The following CDH13 variants were observed in gnomAD, a reference collection of about 807,000 sequenced individuals.
CDH13 encodes the protein cadherin-13.
Under a neutral mutation model 63.8 loss-of-function variants are expected in CDH13, and 24 were observed. That is an observed-to-expected ratio of 0.38 (90% CI 0.27 to 0.53). The LOEUF (loss-of-function observed/expected upper bound fraction) is 0.53, where lower values mean the gene tolerates loss of function less well. Among genes scored for constraint, CDH13 ranks in the 20% least tolerant of loss-of-function variants. CDH13 has a pLI of 0.85. For missense variants in CDH13, 1,049 were observed against 903.1 expected, an observed-to-expected ratio of 1.16 and a Z score of -2.07; for synonymous variants, 503 against 355.3, an observed-to-expected ratio of 1.42 and a Z score of -4.67.
intron 2 of CDH13, among the ~76,000 whole-genome samples, chr16:83,000,812 C>T (rs1270716144): frequency 2.0e-5 from 3 of 152,078 alleles, no homozygotes; most frequent in South Asian, 2.1e-4. Context: ...ATCTCCTGCC[C>T]GCATGATCCG....
intron 8 of CDH13, among the ~76,000 whole-genome samples, chr16:83,631,468 T>C (rs1452802006): frequency 2.0e-5 from 3 of 152,184 alleles, no homozygotes; most frequent in Non-Finnish European, 4.4e-5. Context: ...CTTGTCTTTT[T>C]CTCATGTAAT....
chr16:83,455,532 G>T (rs1253919985), intron 6 of CDH13, among the ~76,000 whole-genome samples: 1 of 152,136 alleles, frequency 6.6e-6, no homozygotes, highest in Admixed American at 6.5e-5. Context: ...TTGCTTTTGT[G>T]TATTCCCACG....
At chr16:82,819,003 A>G (rs1173669785) in intron 1 of CDH13, among the ~76,000 whole-genome samples, 3 of 152,168 alleles carry the variant, frequency 2.0e-5, no homozygotes, top group Non-Finnish European at 4.4e-5. Flanking sequence ...GCTGTCGAAG[A>G]TTGTGTGGAC....
intron 6 of CDH13, among the ~76,000 whole-genome samples, chr16:83,467,628 C>T (rs191036435): frequency 3.3e-5 from 5 of 152,272 alleles, no homozygotes; most frequent in South Asian, 2.1e-4. Flanking sequence ...TCTTTGGGCA[C>T]GAGACACCTG....
At chr16:82,638,489 A>T (rs1908963242) in intron 1 of CDH13, among the ~76,000 whole-genome samples, 1 of 152,148 alleles carries the variant, frequency 6.6e-6, no homozygotes, top group African/African-American at 2.4e-5. Flanking sequence ...AGTGTATGTT[A>T]ATGATGTCAT....
intron 3 of CDH13, among the ~76,000 whole-genome samples, chr16:83,088,940 C>T (rs151031482): frequency 2.9e-4 from 44 of 152,244 alleles, no homozygotes; most frequent in African/African-American, 1.0e-3. Flanking sequence ...CATGGCCATT[C>T]ATTAATATAT....
chr16:82,644,270 C>T lies in CDH13; in HGVS notation c.45+17133C>T, dbSNP rs11648258. Among the ~76,000 whole-genome samples, 11,474 of 152,004 alleles carry T rather than the reference C, an allele frequency of 0.075. 507 individuals carry two copies. Among genetic ancestry groups the T allele is most frequent in the Middle Eastern group, 0.15 (44 of 294 alleles). ...AGGTCTAAGGCTGGGAAAGGAGCTC[C>T]CACTTCTTACATTCAGTGCTCATCA... On this transcript the variant is annotated intron_variant, in intron 1 of 13. Coordinates refer to ENST00000567109, the MANE Select transcript of CDH13 (RefSeq NM_001257.5). The surrounding 1 kb of genome is among the most constrained non-coding windows in gnomAD (Gnocchi z 5.7).
At chr16:83,374,505 C>T (rs1008181096) in intron 6 of CDH13, among the ~76,000 whole-genome samples, 3 of 152,142 alleles carry the variant, frequency 2.0e-5, no homozygotes, top group African/African-American at 7.2e-5. Context: ...GCAACATCTA[C>T]GTAGAAAACA....
chr16:82,963,004 A>G (rs1308146990), intron 2 of CDH13, among the ~76,000 whole-genome samples: 1 of 152,186 alleles, frequency 6.6e-6, no homozygotes, highest in African/African-American at 2.4e-5. Flanking sequence ...TAATTAACAA[A>G]TGATCATTTG....
Position 82,713,170 on chromosome 16 carries a change from AC to A in CDH13, c.45+86036del, listed in dbSNP as rs1191763411. On this transcript the variant is annotated intron_variant, in intron 1 of 13. Coordinates refer to ENST00000567109, the MANE Select transcript of CDH13 (RefSeq NM_001257.5). ...TCCCTCAATTTGGGATCCCGGTACC[AC>A]CCGCATAAGAATCTTTTGGATGCTG... Among the ~76,000 whole-genome samples, 79 of 152,076 alleles carry A rather than the reference AC, an allele frequency of 5.2e-4. 1 individual carries two copies. The highest frequency in any genetic ancestry group is 1.9e-3 in the African/African-American group (78 of 41,484).
intron 1 of CDH13, among the ~76,000 whole-genome samples, chr16:82,806,306 G>T (rs1218729935): frequency 1.3e-5 from 2 of 152,112 alleles, no homozygotes; most frequent in Non-Finnish European, 2.9e-5. Flanking sequence ...AGCCCAGGGA[G>T]TCTTTATCTA....
At chr16:82,732,900 G>A (rs534820798) in intron 1 of CDH13, among the ~76,000 whole-genome samples, 1 of 152,308 alleles carries the variant, frequency 6.6e-6, no homozygotes, top group Non-Finnish European at 1.5e-5. Flanking sequence ...GGAAACTAGA[G>A]GGAATTCCTA....
intron 2 of CDH13, among the ~76,000 whole-genome samples, chr16:82,961,121 C>G (rs1906917961): frequency 6.6e-6 from 1 of 152,158 alleles, no homozygotes; most frequent in African/African-American, 2.4e-5. Context: ...GAGCTGGCGC[C>G]AGCACGGAGC....
At chr16:82,681,054 G>C (rs760086532) in intron 1 of CDH13, among the ~76,000 whole-genome samples, 5 of 152,216 alleles carry the variant, frequency 3.3e-5, no homozygotes, top group Non-Finnish European at 5.9e-5. Context: ...GAGCAGGTCT[G>C]TTCTGGCATG....
chr16:83,438,498 G>A (rs2072385925), intron 6 of CDH13, among the ~76,000 whole-genome samples: 1 of 152,194 alleles, frequency 6.6e-6, no homozygotes, highest in African/African-American at 2.4e-5. Flanking sequence ...ATTCTAAGTC[G>A]AGGTATGTTT....
At chr16:82,636,282 C>A (rs1376280264) in intron 1 of CDH13, among the ~76,000 whole-genome samples, 1 of 151,848 alleles carries the variant, frequency 6.6e-6, no homozygotes, top group Non-Finnish European at 1.5e-5. Context: ...GGTCTGAGGG[C>A]TTCTCTATGT....
chr16:83,298,758 G>A (rs891573624), intron 5 of CDH13, among the ~76,000 whole-genome samples: 1 of 152,166 alleles, frequency 6.6e-6, no homozygotes, highest in South Asian at 2.1e-4. Context: ...CCCTCAGTAT[G>A]CCTGCTTCAC....
intron 3 of CDH13, among the ~76,000 whole-genome samples, chr16:83,101,407 A>G (rs2034472272): frequency 6.7e-6 from 1 of 150,374 alleles, no homozygotes; most frequent in Non-Finnish European, 1.5e-5. Context: ...AGTAATGTAT[A>G]TATTTAGTAT....
At chr16:83,762,444 A>G (rs1044087680) in intron 11 of CDH13, among the ~76,000 whole-genome samples, 3 of 152,202 alleles carry the variant, frequency 2.0e-5, no homozygotes, top group African/African-American at 7.2e-5. Flanking sequence ...CGGGAATGCA[A>G]TAAAATGGAA....
Sources: allele counts gnomAD v4.1 joint callset (sites outside exome capture counted in the v4.1 genomes callset), GRCh38; gene constraint gnomAD v4.1.1; non-coding constraint Gnocchi (gnomAD v3.1); transcripts MANE v1.5; gene names NCBI Gene and HGNC (gene_info 2026-07-23, HGNC 2026-07-21).